The following LRP2 variants were observed in gnomAD, a reference collection of about 807,000 sequenced individuals.
LRP2 encodes LDL receptor related protein 2.
LRP2 carries 172 observed loss-of-function variants against 531.0 expected under a neutral mutation model. The observed-to-expected ratio is 0.32, with a 90% CI of 0.29 to 0.37. LRP2 has a LOEUF of 0.37. Ranked by LOEUF, LRP2 falls within the 10% of genes least tolerant of loss-of-function variation. The pLI is 1.00. For missense variants in LRP2, 5,167 were observed against 5,868.3 expected, an observed-to-expected ratio of 0.88 and a Z score of 3.90; for synonymous variants, 1,992 against 2,027.6, an observed-to-expected ratio of 0.98 and a Z score of 0.47.
rs201079277 is a variant in LRP2 at position 169,269,438 on chromosome 2, G to T, written c.2320+1466C>A. 2.6e-5 allele frequency among the ~76,000 whole-genome samples: 4 copies of T among 152,286 alleles called. No homozygotes were observed. In the East Asian group the frequency reaches 7.7e-4, roughly 29 times the overall value. On this transcript the variant is annotated intron_variant, in intron 16 of 78. Coordinates refer to ENST00000649046, the MANE Select transcript of LRP2 (RefSeq NM_004525.3). ...CCAATGGAACAGAATAGAGTCCTCA[G>T]AAATGATATCACACATCTACAACCA... is the stretch of plus-strand genomic sequence containing the variant.
intron 1 of LRP2, among the ~76,000 whole-genome samples, chr2:169,322,542 T>G (rs1328390053): frequency 6.6e-6 from 1 of 152,180 alleles, no homozygotes; most frequent in Admixed American, 6.5e-5. Context: ...AAAATGCCCC[T>G]AAGGAATGTA....
At position 169,225,125 on chromosome 2, in the gene LRP2, A is replaced by T. The variant is rs190123128; in HGVS notation, c.5538+185T>A. On this transcript the variant is annotated intron_variant, in intron 33 of 78. Transcript: ENST00000649046. ...TAAATAAATAAATAAAAATAAATTT[A>T]AAAAAAATTTTAAGGTGGTTTTCCT... is the stretch of plus-strand genomic sequence containing the variant. Among the ~76,000 whole-genome samples, 257 of 152,016 alleles carry T rather than the reference A, an allele frequency of 1.7e-3. 3 individuals are homozygous for T. The highest frequency in any genetic ancestry group is 0.011 in the East Asian group (56 of 5,184).
At chr2:169,351,100 TCTAA>T (rs1685834960) in intron 1 of LRP2, among the ~76,000 whole-genome samples, 1 of 152,086 alleles carries the variant, frequency 6.6e-6, no homozygotes, top group Admixed American at 6.5e-5. Flanking sequence ...TTCTTGAAAA[TCTAA>T]CTAAGTGTTT....
intron 61 of LRP2, among the ~76,000 whole-genome samples, chr2:169,166,470 T>TGGATCGTGGAGCAC (rs1372794613): frequency 6.6e-6 from 1 of 152,128 alleles, no homozygotes; most frequent in Non-Finnish European, 1.5e-5. Context: ...GGCTGGAGCA[T>TGGATCGTGGAGCAC]GGATCGTGGA....
chr2:169,190,241 AT>A (rs1159376887), intron 48 of LRP2, among the ~76,000 whole-genome samples: 1 of 152,232 alleles, frequency 6.6e-6, no homozygotes, highest in Admixed American at 6.5e-5. Flanking sequence ...TTACATTCAT[AT>A]TACTTAAATA....
At chr2:169,220,886 CA>C (rs1239897956) in intron 33 of LRP2, among the ~76,000 whole-genome samples, 5 of 152,118 alleles carry the variant, frequency 3.3e-5, no homozygotes, top group African/African-American at 1.2e-4. Context: ...AAAGAAACTG[CA>C]AAAATCCTTC....
At chr2:169,215,494 A>C (rs182436122) in intron 35 of LRP2, among the ~76,000 whole-genome samples, 3 of 152,098 alleles carry the variant, frequency 2.0e-5, no homozygotes, top group African/African-American at 4.8e-5. Flanking sequence ...TCACCACTAA[A>C]GAAAGTTTCG....
At chr2:169,283,065 A>G in intron 9 of LRP2, 64 bp from the exon 10 acceptor site, 2 of 1,567,748 alleles carry the variant, frequency 1.3e-6, no homozygotes, top group Admixed American at 1.7e-5. Context: ...ACTCTCTGAC[A>G]AAAATCCTAG....
rs1690644362 is a variant in LRP2, at chr2:169,263,209, C to A, written c.2321-3992G>T. On this transcript the variant is annotated intron_variant, in intron 16 of 78. Transcript: ENST00000649046. ...GGCAAAGACTTCATGTCTAAAACAC[C>A]AAAAGCAATGGCAACAAAAGCCAAA... Among the ~76,000 whole-genome samples, 13 of 152,156 alleles carry A rather than the reference C, an allele frequency of 8.5e-5. No individual in the cohort carries two copies. In the South Asian group the frequency reaches 2.5e-3, roughly 29 times the overall value.
intron 62 of LRP2, among the ~76,000 whole-genome samples, chr2:169,163,193 G>C (rs985617907): frequency 6.6e-6 from 1 of 152,186 alleles, no homozygotes; most frequent in African/African-American, 2.4e-5. Context: ...GGAAAAACTG[G>C]AAGGCAGATC....
chr2:169,318,613 T>C, intron 3 of LRP2, 149 bp downstream of exon 3: 1 of 1,080,804 alleles, frequency 9.3e-7, no homozygotes, highest in African/African-American at 1.5e-5. Context: ...ATCCAACCCC[T>C]GAATGAGATT....
At chr2:169,334,883 G>A (rs1461576375) in intron 1 of LRP2, among the ~76,000 whole-genome samples, 5 of 152,174 alleles carry the variant, frequency 3.3e-5, no homozygotes, top group African/African-American at 9.6e-5. Context: ...AAGCACAGCC[G>A]TCCCTCCATG....
rs773325748 is a variant in LRP2 at position 169,242,987 on chromosome 2, A to G, written c.3636T>C (p.Asp1212=). Residue 1212 remains aspartate (D), a synonymous_variant, in exon 24 of 79, where the codon GAT becomes GAC. Coordinates refer to ENST00000649046, the MANE Select transcript of LRP2 (RefSeq NM_004525.3). ...CTGCTTCATCCGAGTTGTCACTGCA[A>G]TCAAAAACACCATCACAACGATTTG... ...GVTNRCDGVF[D]CSDNSDEAGC... is the part of the protein sequence containing the mutation. 1.3e-5 allele frequency: 21 copies of G among 1,614,020 alleles called. No homozygotes were observed. Among genetic ancestry groups the G allele is most frequent in the Middle Eastern group, 1.6e-4 (1 of 6,084 alleles).
chr2:169,209,846 G>A lies in LRP2; in HGVS notation c.6281-205C>T, dbSNP rs145080947. Among the ~76,000 whole-genome samples, 265 of 152,188 alleles carry A rather than the reference G, an allele frequency of 1.7e-3. 1 individual carries two copies. The highest frequency in any genetic ancestry group is 5.4e-3 in the African/African-American group (224 of 41,508). On this transcript the variant is annotated intron_variant, in intron 37 of 78. Transcript: ENST00000649046. ...CCCACAATAAGGAGCTCTGGCTCCC[G>A]GGAGAAATGTTGATTATAGGTTTAG...
intron 1 of LRP2, among the ~76,000 whole-genome samples, chr2:169,358,498 T>C (rs1215572075): frequency 2.6e-5 from 4 of 152,198 alleles, no homozygotes; most frequent in African/African-American, 9.6e-5. Flanking sequence ...AGAGAAACTT[T>C]TTCAAGTAGA....
chr2:169,161,473 T>G (rs1686585616), intron 63 of LRP2, among the ~76,000 whole-genome samples: 1 of 152,114 alleles, frequency 6.6e-6, no homozygotes, highest in Non-Finnish European at 1.5e-5. Flanking sequence ...TTTGTTTGAT[T>G]GTTTGTTTGT....
At chr2:169,326,086 T>A (rs932992025) in intron 1 of LRP2, among the ~76,000 whole-genome samples, 1 of 149,150 alleles carries the variant, frequency 6.7e-6, no homozygotes, top group African/African-American at 2.5e-5. Flanking sequence ...TGTCCTAGGA[T>A]CAGTGGAAGA....
At position 169,135,463 on chromosome 2, in the gene LRP2, G is replaced by C. The variant is rs181255324; in HGVS notation, c.13620+1929C>G. 1.6e-4 allele frequency among the ~76,000 whole-genome samples: 24 copies of C among 152,190 alleles called. No individual in the cohort carries two copies. The East Asian group carries it at 4.2e-3, about 27-fold the overall frequency. ...TCTGTCAGACATAATTCCTCGGTTT[G>C]GCCTTCCCACCTCTATACAGTCCGA... On this transcript the variant is annotated intron_variant, in intron 76 of 78. Coordinates refer to ENST00000649046, the MANE Select transcript of LRP2 (RefSeq NM_004525.3).
At chr2:169,155,829 T>C (rs2105360653) in intron 65 of LRP2, among the ~76,000 whole-genome samples, 1 of 152,248 alleles carries the variant, frequency 6.6e-6, no homozygotes, top group African/African-American at 2.4e-5. Flanking sequence ...TTGCCCCAAT[T>C]CACGAGCCCT....
Sources: allele counts gnomAD v4.1 joint callset (sites outside exome capture counted in the v4.1 genomes callset), GRCh38; gene constraint gnomAD v4.1.1; transcripts MANE v1.5; gene names NCBI Gene and HGNC (gene_info 2026-07-23, HGNC 2026-07-21).